NFIX: variants seen among roughly 807,000 people sequenced by gnomAD.
NFIX encodes the protein nuclear factor 1 X-type.
Under a neutral mutation model 53.3 loss-of-function variants are expected in NFIX, and 2 were observed. The observed-to-expected ratio is 0.04, with a 90% CI of 0.02 to 0.12. The LOEUF (loss-of-function observed/expected upper bound fraction) is 0.12, where lower values mean the gene tolerates loss of function less well. NFIX is among the 10% of genes least tolerant of loss of function. The pLI, the probability that NFIX is intolerant of heterozygous loss-of-function variation, is 1.00. For missense variants in NFIX, 310 were observed against 674.5 expected, an observed-to-expected ratio of 0.46 and a Z score of 5.99; for synonymous variants, 244 against 289.0, an observed-to-expected ratio of 0.84 and a Z score of 1.58.
At chr19:13,069,546 G>C (rs1044946901) in intron 2 of NFIX, among the ~76,000 whole-genome samples, 1 of 152,206 alleles carries the variant, frequency 6.6e-6, no homozygotes, top group African/African-American at 2.4e-5. Context: ...ATGTACGCCT[G>C]CCTGGCAGGG....
chr19:13,069,194 C>T (rs2016614372), intron 2 of NFIX, among the ~76,000 whole-genome samples: 1 of 152,214 alleles, frequency 6.6e-6, no homozygotes, highest in Admixed American at 6.5e-5. Flanking sequence ...CTGGGAGCCA[C>T]AGTCCCTGAA....
rs117880971 is a variant in NFIX at position 13,069,181 on chromosome 19, G to A, written c.560-3866G>A. 3.9e-5 allele frequency among the ~76,000 whole-genome samples: 6 copies of A among 152,344 alleles called. No individual in the cohort carries two copies. The East Asian group carries it at 1.2e-3, about 29-fold the overall frequency. On this transcript the variant is annotated intron_variant, in intron 2 of 10. Transcript: ENST00000592199. The stretch of plus-strand genomic sequence containing the variant: ...CATCTCCAACCAGTATCTCCAGGGA[G>A]CGCTGGGAGCCACAGTCCCTGAAGA...
intron 8 of NFIX, among the ~76,000 whole-genome samples, chr19:13,085,381 T>G (rs1342041618): frequency 6.6e-6 from 1 of 152,224 alleles, no homozygotes; most frequent in Non-Finnish European, 1.5e-5. Flanking sequence ...GAGGCCGTCC[T>G]GTGGTTGCTT....
intron 2 of NFIX, among the ~76,000 whole-genome samples, chr19:13,047,338 A>G (rs2015053934): frequency 6.6e-6 from 1 of 151,970 alleles, no homozygotes; most frequent in Admixed American, 6.6e-5. Context: ...CAGCAAACTC[A>G]CTAAAAACAT....
At chr19:13,047,260 G>A (rs529752845) in intron 2 of NFIX, among the ~76,000 whole-genome samples, 26 of 150,580 alleles carry the variant, frequency 1.7e-4, no homozygotes, top group African/African-American at 5.6e-4. Context: ...AAAGTAGGAC[G>A]CCTTGTTGCT....
intron 1 of NFIX, among the ~76,000 whole-genome samples, chr19:13,023,635 T>C (rs1357140261): frequency 2.4e-5 from 3 of 126,642 alleles, no homozygotes; most frequent in South Asian, 2.4e-4. Context: ...TTTTTCTTTT[T>C]TTTTTTTTTT....
rs1370275386 is a variant in NFIX at position 13,040,326 on chromosome 19, G to A, written c.559+14774G>A. On this transcript the variant is annotated intron_variant, in intron 2 of 10. Coordinates refer to ENST00000592199, the MANE Select transcript of NFIX (RefSeq NM_001365902.3). This position sits in a 1 kb window ranked among gnomAD's most constrained non-coding sequence, Gnocchi z 4.2. Reference sequence around the variant, plus strand: ...ATCTTTGGGGACATCCTCCCTTTTGGCCACAAAGCACACAGCCCCCCAGAG... The same window carrying A: ...ATCTTTGGGGACATCCTCCCTTTTGACCACAAAGCACACAGCCCCCCAGAG... Among the ~76,000 whole-genome samples the A allele has an allele frequency of 1.3e-5, 2 of 152,034 alleles. No individual in the cohort carries two copies. The highest frequency in any genetic ancestry group is 2.9e-5 in the Non-Finnish European group (2 of 68,006).
chr19:13,032,274 G>A (rs1000519938), intron 2 of NFIX, among the ~76,000 whole-genome samples: 1 of 152,214 alleles, frequency 6.6e-6, no homozygotes, highest in Admixed American at 6.5e-5. Flanking sequence ...GAGAGGGCTA[G>A]TGTAGGAGTG....
chr19:13,000,175 A>T (rs761108963), intron 1 of NFIX, among the ~76,000 whole-genome samples: 27 of 152,174 alleles, frequency 1.8e-4, no homozygotes, highest in Admixed American at 6.5e-4. Context: ...ACATGTTCTA[A>T]TCTTGCGACC....
intron 2 of NFIX, among the ~76,000 whole-genome samples, chr19:13,054,135 G>C (rs1445103597): frequency 1.3e-5 from 2 of 152,166 alleles, no homozygotes; most frequent in Non-Finnish European, 2.9e-5. Flanking sequence ...TCCTCCCCCA[G>C]TTCCCGTCTC....
Position 13,024,541 on chromosome 19 carries a change from C to T in NFIX, c.28-480C>T, listed in dbSNP as rs2013161335. Reference sequence around the variant, plus strand: ...GACCGGTGTCGGGGACCAGAGGCGGCCCCGCACGCCCCCGCGTGTGCGTCC... The same window carrying T: ...GACCGGTGTCGGGGACCAGAGGCGGTCCCGCACGCCCCCGCGTGTGCGTCC... On this transcript the variant is annotated intron_variant, in intron 1 of 10. Coordinates refer to ENST00000592199, the MANE Select transcript of NFIX (RefSeq NM_001365902.3). 5 of 1,527,856 alleles carry T rather than the reference C, an allele frequency of 3.3e-6. No individual in the cohort carries two copies. In the East Asian group the frequency reaches 1.2e-4, roughly 38 times the overall value. The allele number at this position is 1,527,856 out of a possible 1,614,324, so 94.6% of individuals were successfully genotyped here. A position where few individuals can be genotyped will look rare whatever the true frequency, so the allele number is the denominator to read the frequency against.
chr19:13,046,279 G>T (rs892521359), intron 2 of NFIX, among the ~76,000 whole-genome samples: 1 of 152,154 alleles, frequency 6.6e-6, no homozygotes, highest in Admixed American at 6.5e-5. Context: ...AGATGGGTGT[G>T]GGAACGCAGC....
intron 2 of NFIX, among the ~76,000 whole-genome samples, chr19:13,055,394 T>C (rs1027353895): frequency 6.6e-6 from 1 of 152,160 alleles, no homozygotes; most frequent in Non-Finnish European, 1.5e-5. Context: ...GAGTCCTTCT[T>C]GCATCCGGGG....
In NFIX at chr19:13,027,180, C is replaced by T. The variant is rs774329311; in HGVS notation, c.559+1628C>T. ...GAAGCAGGGGACACCACTCTCACCCCCCAAGTCTCTACCTACTTCTGTGGA... is the reference window on the plus strand; with the variant it reads ...GAAGCAGGGGACACCACTCTCACCCTCCAAGTCTCTACCTACTTCTGTGGA... On this transcript the variant is annotated intron_variant, in intron 2 of 10. Transcript: ENST00000592199. The surrounding 1 kb of genome is among the most constrained non-coding windows in gnomAD (Gnocchi z 4.3). 1.9e-4 allele frequency among the ~76,000 whole-genome samples: 29 copies of T among 152,164 alleles called. No homozygotes were observed.
intron 10 of NFIX, among the ~76,000 whole-genome samples, chr19:13,092,812 C>A (rs1009773049): frequency 6.6e-6 from 1 of 152,230 alleles, no homozygotes; most frequent in African/African-American, 2.4e-5. Context: ...GGTTCTCCCC[C>A]ACCCACTCTG....
chr19:13,022,228 T>G lies in NFIX; in HGVS notation c.28-2793T>G, dbSNP rs955293075. Among the ~76,000 whole-genome samples, 2 of 152,184 alleles carry G rather than the reference T, an allele frequency of 1.3e-5. No individual in the cohort carries two copies. Among genetic ancestry groups the G allele is most frequent in the African/African-American group, 2.4e-5 (1 of 41,430 alleles). On this transcript the variant is annotated intron_variant, in intron 1 of 10. Coordinates refer to ENST00000592199, the MANE Select transcript of NFIX (RefSeq NM_001365902.3). This position sits in a 1 kb window ranked among gnomAD's most constrained non-coding sequence, Gnocchi z 4.5. The stretch of plus-strand genomic sequence containing the variant: ...GGAGTGCTGTGACAGGAGGCTATTT[T>G]AATAAACTGTTGCAGTTTCTCGAGC...
At chr19:13,008,661 C>T (rs540372050) in intron 1 of NFIX, among the ~76,000 whole-genome samples, 6 of 152,172 alleles carry the variant, frequency 3.9e-5, no homozygotes, top group Non-Finnish European at 7.4e-5. Flanking sequence ...TCAGGGAAAA[C>T]GTGGGAAACA....
intron 2 of NFIX, among the ~76,000 whole-genome samples, chr19:13,059,739 C>CT (rs111906867): frequency 0.017 from 1,247 of 71,616 alleles, 16 homozygotes; most frequent in African/African-American, 0.039. Context: ...AAGAGGGATG[C>CT]TTTTTTTTTT....
At chr19:13,056,213 A>G (rs1453623753) in intron 2 of NFIX, among the ~76,000 whole-genome samples, 1 of 152,142 alleles carries the variant, frequency 6.6e-6, no homozygotes, top group Non-Finnish European at 1.5e-5. Flanking sequence ...GGCTTTGCAC[A>G]TGACTCAGGC....
Sources: gnomAD v4.1 joint callset for allele counts (sites outside exome capture counted in the v4.1 genomes callset) on GRCh38, gnomAD v4.1.1 for gene constraint, Gnocchi (gnomAD v3.1) non-coding constraint, MANE v1.5 for transcripts, NCBI Gene and HGNC (gene_info 2026-07-23, HGNC 2026-07-21) for gene names.